The following INTS1 variants were observed in gnomAD, a reference collection of about 807,000 sequenced individuals.
INTS1 encodes integrator complex subunit 1.
A neutral mutation model predicts 241.6 loss-of-function variants in INTS1; 137 were observed. That is an observed-to-expected ratio of 0.57 (90% confidence interval 0.49 to 0.65). The LOEUF is 0.65. Among genes scored for constraint, INTS1 ranks in the 30% least tolerant of loss-of-function variants. The pLI, the probability that INTS1 is intolerant of heterozygous loss-of-function variation, is 0.00. For synonymous variants in INTS1, 1,692 were observed against 1,337.8 expected, an observed-to-expected ratio of 1.26 and a Z score of -5.78; for missense variants, 3,073 against 3,032.2, an observed-to-expected ratio of 1.01 and a Z score of -0.32.
Position 1,471,466 on chromosome 7 carries a change from C to T in INTS1, c.6255+105G>A, listed in dbSNP as rs963203040. The T allele has an allele frequency of 5.4e-5, 69 of 1,271,456 alleles. 1 individual carries two copies. The South Asian group carries it at 8.1e-4, about 15-fold the overall frequency. The allele number at this position is 1,271,456 out of a possible 1,614,324, so 78.8% of individuals were successfully genotyped here. On this transcript the variant is annotated intron_variant, in intron 45 of 47. Transcript: ENST00000404767. ...CCACCCGAAGCCCAGCCTCAGAGGA[C>T]TCCCTGGGGCTCAGCGCGGGCACGC...
In INTS1 at chr7:1,480,983, C is replaced by T. The variant is rs968843617; in HGVS notation, c.3851-50G>A. The T allele has an allele frequency of 5.1e-6, 7 of 1,364,164 alleles. No individual in the cohort carries two copies. The African/African-American group carries it at 1.0e-4, about 20-fold the overall frequency. The allele number at this position is 1,364,164 out of a possible 1,614,324, so 84.5% of individuals were successfully genotyped here. ...CTGGGCGCGGCCAGGGGCCAGGGAGCAGGTCCTTCCCTCTCCACAGAAACC... is the reference window on the plus strand; with the variant it reads ...CTGGGCGCGGCCAGGGGCCAGGGAGTAGGTCCTTCCCTCTCCACAGAAACC... On this transcript the variant is annotated intron_variant, in intron 28 of 47. Coordinates refer to ENST00000404767, the MANE Select transcript of INTS1 (RefSeq NM_001080453.3).
intron 1 of INTS1, 107 bp from the exon 2 acceptor site, chr7:1,504,108 T>A: frequency 1.6e-6 from 1 of 613,416 alleles, no homozygotes; most frequent in Non-Finnish European, 2.7e-6. Flanking sequence ...GGGACAGTGG[T>A]CCCGCGCCCG....
intron 45 of INTS1, 44 bp from the exon 46 acceptor site, chr7:1,471,268 C>G (rs755341002): frequency 6.5e-7 from 1 of 1,529,930 alleles, no homozygotes; most frequent in East Asian, 2.5e-5. Flanking sequence ...AGGGGTCCAG[C>G]CCCCATCAAG....
intron 38 of INTS1, 48 bp from the exon 39 acceptor site, chr7:1,476,119 CAG>C (rs758711914): frequency 6.6e-5 from 101 of 1,528,158 alleles, no homozygotes; most frequent in South Asian, 3.5e-4. Context: ...GCCCCAGTGA[CAG>C]GGGTGGGTGG....
chr7:1,489,528 G>T, intron 17 of INTS1, 63 bp downstream of exon 17: 2 of 1,522,188 alleles, frequency 1.3e-6, no homozygotes, highest in Non-Finnish European at 1.8e-6. Context: ...CAGACAAACT[G>T]CCCCAAAGGA....
intron 3 of INTS1, 113 bp downstream of exon 3, chr7:1,502,788 C>G: frequency 8.4e-7 from 1 of 1,189,188 alleles, no homozygotes; most frequent in Non-Finnish European, 1.2e-6. Context: ...TCCGCTCTCC[C>G]AAAGGACCTC....
In INTS1 at chr7:1,489,698, G is replaced by C; in HGVS notation, c.2166-16C>G. 1.3e-6 allele frequency: 2 copies of C among 1,487,742 alleles called. No homozygotes were observed. The highest frequency in any genetic ancestry group is 1.8e-6 in the Non-Finnish European group (2 of 1,109,956). 92.2% of individuals were successfully genotyped at this position (1,487,742 alleles called of 1,614,324 possible). On this transcript the variant is annotated splice_polypyrimidine_tract_variant and intron_variant, in intron 16 of 47. Coordinates refer to ENST00000404767, the MANE Select transcript of INTS1 (RefSeq NM_001080453.3). ...AGGCTGGTACCTGGAAGGCAGGGGC[G>C]CCCCGACTCAGGCCCAGCGCACCAA...
In INTS1 at chr7:1,482,592, C is replaced by A. The variant is rs770194290; in HGVS notation, c.3657G>T (p.Leu1219=). The A allele has an allele frequency of 3.7e-6, 6 of 1,612,830 alleles. No individual in the cohort carries two copies. The Admixed American group carries it at 1.0e-4, about 27-fold the overall frequency. Residue 1219 remains leucine, a synonymous_variant, in exon 27 of 48, where the codon CTG becomes CTT. Transcript: ENST00000404767. ...SEEALLLPDW[L]KLRMIRSEVL... is the part of the protein sequence containing the mutation. ...CCTCAGAACGGATCATGCGCAGCTT[C>A]AGCCAGTCAGGAAGCAGCAGCGCCT... is the stretch of plus-strand genomic sequence containing the variant.
chr7:1,487,492 G>T (rs201983946), intron 19 of INTS1, 43 bp from the exon 20 acceptor site: 2 of 1,593,046 alleles, frequency 1.3e-6, no homozygotes, highest in Non-Finnish European at 1.7e-6. Flanking sequence ...CGCCCTGAGC[G>T]GATCACCCCC....
intron 31 of INTS1, 68 bp from the exon 32 acceptor site, chr7:1,478,953 A>T: frequency 3.3e-6 from 5 of 1,510,270 alleles, no homozygotes; most frequent in Non-Finnish European, 4.5e-6. Context: ...CCCGAGGCCC[A>T]GAGCAGGGCC....
At position 1,497,594 on chromosome 7, in the gene INTS1, G is replaced by A. The variant is rs7795749; in HGVS notation, c.1426-280C>T. ...AAGCTGGGGGTGCGGGACACCAGGC[G>A]GCAAAGCCATAGAAGCGCGTGTGCC... On this transcript the variant is annotated intron_variant, in intron 10 of 47. Transcript: ENST00000404767. This position sits in a 1 kb window ranked among gnomAD's most constrained non-coding sequence, Gnocchi z 5.3. Among the ~76,000 whole-genome samples, 81,636 of 152,000 alleles carry A rather than the reference G, an allele frequency of 0.54. 23,730 individuals are homozygous for A. Among genetic ancestry groups the A allele is most frequent in the African/African-American group, 0.77 (31,951 of 41,494 alleles).
chr7:1,503,062 G>A lies in INTS1; in HGVS notation c.188C>T (p.Ala63Val). ...LPSERKRDAA[A>V]ALSSASALTG... ...GAGGGCCGAGGCACTGGACAACGCG[G>A]CCGCCGCATCCCGCTTGCGCTCAGA... Residue 63 changes from alanine to valine, a missense_variant, in exon 3 of 48, where the codon GCC becomes GTC. Physicochemically the swap from Ala to Val is moderately conservative, Grantham distance 64. Transcript: ENST00000404767. 1 of 1,613,048 alleles carries A rather than the reference G, an allele frequency of 6.2e-7. No homozygotes were observed.
rs532320596 is a variant in INTS1, at chr7:1,486,501, G to A, written c.2976+124C>T. ...GCTGGTCTCCAACTCCTGACCTCAG[G>A]TAATCTGCCTGCCTTGGCCTCCCAA... On this transcript the variant is annotated intron_variant, in intron 22 of 47. Transcript: ENST00000404767. 3 of 1,081,492 alleles carry A rather than the reference G, an allele frequency of 2.8e-6. No homozygotes were observed. The African/African-American group carries it at 4.7e-5, about 17-fold the overall frequency. The allele number at this position is 1,081,492 out of a possible 1,614,324, so 67.0% of individuals were successfully genotyped here.
intron 12 of INTS1, among the ~76,000 whole-genome samples, 176 bp downstream of exon 12, chr7:1,495,980 C>A (rs1170151568): frequency 1.3e-5 from 2 of 152,180 alleles, no homozygotes; most frequent in Non-Finnish European, 2.9e-5. Flanking sequence ...TGGGGTGAGG[C>A]CCGGATGGAC....
intron 19 of INTS1, 54 bp from the exon 20 acceptor site, chr7:1,487,503 A>G: frequency 6.3e-6 from 10 of 1,577,512 alleles, no homozygotes; most frequent in Admixed American, 1.8e-5. Flanking sequence ...GATCACCCCC[A>G]GAACCCCTCC....
intron 36 of INTS1, 40 bp downstream of exon 36, chr7:1,476,754 G>C: frequency 2.5e-6 from 4 of 1,612,470 alleles, no homozygotes; most frequent in South Asian, 1.1e-5. Context: ...GTGAAGGCCA[G>C]TATGCGCGCA....
Position 1,472,290 on chromosome 7 carries a change from C to G in INTS1, c.6167G>C (p.Arg2056Pro), listed in dbSNP as rs778973248. ...EMAPYMKRLS[R>P]GQTVEDLLEV... ...TGACTCACCCTCCACCGTTTGGCCC[C>G]GGGAAAGCCGTTTCATGTAGGGGGC... is the stretch of plus-strand genomic sequence containing the variant. The change falls in exon 44 of 48, where the codon CGG becomes CCG. Residue 2056 changes from arginine (R) to proline (P), a missense_variant. Transcript: ENST00000404767. 1 of 1,556,676 alleles carries G rather than the reference C, an allele frequency of 6.4e-7. No homozygotes were observed. The highest frequency in any genetic ancestry group is 1.9e-5 in the Admixed American group (1 of 51,836).
At position 1,502,978 on chromosome 7, in the gene INTS1, C is replaced by T. The variant is rs772910936; in HGVS notation, c.272G>A (p.Arg91His). The T allele has an allele frequency of 1.2e-5, 20 of 1,613,710 alleles. No homozygotes were observed. The highest frequency in any genetic ancestry group is 1.6e-5 in the Non-Finnish European group (19 of 1,179,866). ...SSTPPLSALG[R>H]LAEAAVAEKR... Reference sequence around the variant, plus strand: ...TTCTGCCACTGCAGCCTCAGCCAGGCGCCCCAGGGCACTCAGAGGGGGTGT... The same window carrying T: ...TTCTGCCACTGCAGCCTCAGCCAGGTGCCCCAGGGCACTCAGAGGGGGTGT... Residue 91 changes from arginine (R) to histidine (H), a missense_variant, in exon 3 of 48, where the codon CGC (arginine) becomes CAC (histidine). Arg to His is a conservative substitution (Grantham distance 29). Coordinates refer to ENST00000404767, the MANE Select transcript of INTS1 (RefSeq NM_001080453.3).
In INTS1 at chr7:1,500,302, G is replaced by A. The variant is rs758870228; in HGVS notation, c.414C>T (p.Ile138=). The A allele has an allele frequency of 6.3e-5, 101 of 1,593,614 alleles. No individual in the cohort carries two copies. Among genetic ancestry groups the A allele is most frequent in the East Asian group, 9.1e-5 (4 of 43,922 alleles). Residue 138 remains isoleucine (I), a synonymous_variant, in exon 4 of 48, where the codon ATC becomes ATT. Coordinates refer to ENST00000404767, the MANE Select transcript of INTS1 (RefSeq NM_001080453.3). ...TCACGGCCCCGCACAGCACGCCCTC[G>A]ATCCTGTCATCGTTGCCCTCCAGCT... The part of the protein sequence containing the change: ...AAELEGNDDR[I]EGVLCGAVKQ...
Sources: allele counts gnomAD v4.1 joint callset (sites outside exome capture counted in the v4.1 genomes callset), GRCh38; gene constraint gnomAD v4.1.1; non-coding constraint Gnocchi (gnomAD v3.1); transcripts MANE v1.5; gene names NCBI Gene and HGNC (gene_info 2026-07-23, HGNC 2026-07-21).